The following MAGI2 variants were observed in gnomAD, a reference collection of about 807,000 sequenced individuals.
MAGI2 encodes the protein membrane associated guanylate kinase, WW and PDZ domain containing 2.
In MAGI2, 35 loss-of-function variants were observed where a neutral mutation model predicts 133.3. The ratio of observed to expected loss-of-function variants is 0.26; its 90% confidence interval spans 0.20 to 0.35. MAGI2 has a LOEUF of 0.35. Among genes scored for constraint, MAGI2 ranks in the 10% least tolerant of loss-of-function variants. The pLI, the probability that MAGI2 is intolerant of heterozygous loss-of-function variation, is 1.00. For missense variants in MAGI2, 1,636 were observed against 1,863.4 expected, an observed-to-expected ratio of 0.88 and a Z score of 2.25; for synonymous variants, 729 against 710.6, an observed-to-expected ratio of 1.03 and a Z score of -0.41.
chr7:78,802,977 GT>G (rs892788560), intron 2 of MAGI2, among the ~76,000 whole-genome samples: 2 of 149,182 alleles, frequency 1.3e-5, no homozygotes, highest in African/African-American at 5.0e-5. Flanking sequence ...ATGCCTTGGA[GT>G]TTTTTTCAAT....
intron 21 of MAGI2, among the ~76,000 whole-genome samples, chr7:78,058,929 C>T (rs181246231): frequency 3.9e-5 from 6 of 152,288 alleles, no homozygotes; most frequent in South Asian, 4.1e-4. Context: ...TAGTTTCTAA[C>T]GTGGGGATAC....
chr7:78,150,297 C>T (rs1823744318), intron 16 of MAGI2, among the ~76,000 whole-genome samples: 1 of 152,112 alleles, frequency 6.6e-6, no homozygotes, highest in Non-Finnish European at 1.5e-5. Flanking sequence ...GTTCACTTAA[C>T]AATTTGCTCT....
rs13221989 is a variant in MAGI2, at chr7:78,334,651, A to G, written c.1408+9127T>C. Among the ~76,000 whole-genome samples, 356 of 152,288 alleles carry G rather than the reference A, an allele frequency of 2.3e-3. 1 individual carries two copies. Among genetic ancestry groups the G allele is most frequent in the Admixed American group, 3.9e-3 (60 of 15,296 alleles). On this transcript the variant is annotated intron_variant, in intron 9 of 21. Coordinates refer to ENST00000354212, the MANE Select transcript of MAGI2 (RefSeq NM_012301.4). Reference sequence around the variant, plus strand: ...GGAGGTTAGGATGGAGGGTGTTTGCAAAGCTGTACAGTAGGTGAGAAAGGA... The same window carrying G: ...GGAGGTTAGGATGGAGGGTGTTTGCGAAGCTGTACAGTAGGTGAGAAAGGA...
intron 1 of MAGI2, among the ~76,000 whole-genome samples, chr7:79,076,424 T>C (rs919696457): frequency 1.3e-5 from 2 of 152,218 alleles, no homozygotes; most frequent in African/African-American, 2.4e-5. Flanking sequence ...TTGTCTTATA[T>C]GGCTTTCATA....
intron 1 of MAGI2, among the ~76,000 whole-genome samples, chr7:79,306,585 T>C (rs1837834838): frequency 1.3e-5 from 2 of 152,162 alleles, no homozygotes; most frequent in Non-Finnish European, 2.9e-5. Flanking sequence ...TGTTGAACTT[T>C]ACCTTGTCAT....
chr7:78,555,599 G>A (rs903010725), intron 3 of MAGI2, among the ~76,000 whole-genome samples: 1 of 152,020 alleles, frequency 6.6e-6, no homozygotes, highest in African/African-American at 2.4e-5. Context: ...ATTTCTGAAG[G>A]CTTATTGTCT....
intron 1 of MAGI2, among the ~76,000 whole-genome samples, chr7:79,238,343 A>G (rs372898420): frequency 2.0e-5 from 3 of 151,930 alleles, no homozygotes; most frequent in African/African-American, 2.4e-5. Flanking sequence ...TCTTTCTATC[A>G]TAATTCACAC....
chr7:78,647,726 G>A (rs903768267), intron 2 of MAGI2, among the ~76,000 whole-genome samples: 1 of 152,146 alleles, frequency 6.6e-6, no homozygotes, highest in Non-Finnish European at 1.5e-5. Flanking sequence ...ATTCATAATA[G>A]CGAAGACTTG....
chr7:79,347,483 T>C (rs1841406206), intron 1 of MAGI2, among the ~76,000 whole-genome samples: 1 of 151,796 alleles, frequency 6.6e-6, no homozygotes, highest in African/African-American at 2.4e-5. Context: ...TCTGCACAGC[T>C]TCATTGACAT....
intron 20 of MAGI2, among the ~76,000 whole-genome samples, chr7:78,092,743 T>C (rs1397622063): frequency 6.6e-6 from 1 of 151,308 alleles, no homozygotes; most frequent in Non-Finnish European, 1.5e-5. Context: ...GTCTGATTAA[T>C]GTAACTGCAG....
At chr7:78,544,479 TTA>T (rs1798656872) in intron 3 of MAGI2, among the ~76,000 whole-genome samples, 1 of 152,234 alleles carries the variant, frequency 6.6e-6, no homozygotes, top group South Asian at 2.1e-4. Context: ...GGGGATACAA[TTA>T]TATCTGACTA....
intron 6 of MAGI2, among the ~76,000 whole-genome samples, chr7:78,438,969 G>T (rs1212962956): frequency 2.0e-5 from 3 of 152,158 alleles, no homozygotes; most frequent in Non-Finnish European, 4.4e-5. Flanking sequence ...AACTGCAAGT[G>T]CATCAAGACA....
At chr7:78,911,658 ATG>A (rs1173513035) in intron 2 of MAGI2, among the ~76,000 whole-genome samples, 1 of 102,556 alleles carries the variant, frequency 9.8e-6, no homozygotes, top group Admixed American at 9.0e-5. Context: ...ATAAAAAATT[ATG>A]TGTGTATATA....
At chr7:78,131,301 C>G (rs551455742) in intron 18 of MAGI2, among the ~76,000 whole-genome samples, 2 of 152,170 alleles carry the variant, frequency 1.3e-5, no homozygotes, top group Non-Finnish European at 2.9e-5. Context: ...CTCTTCCTTG[C>G]GTATATTTAA....
chr7:78,149,954 A>G (rs1206004603), intron 16 of MAGI2, among the ~76,000 whole-genome samples: 1 of 152,188 alleles, frequency 6.6e-6, no homozygotes, highest in Non-Finnish European at 1.5e-5. Context: ...TGGCACTGCA[A>G]AAACCTTGGG....
intron 1 of MAGI2, among the ~76,000 whole-genome samples, chr7:79,451,187 GT>G (rs760772080): frequency 1.8e-4 from 27 of 152,318 alleles, no homozygotes; most frequent in South Asian, 2.1e-4. Flanking sequence ...CATTTAAGAT[GT>G]GATGATCATT....
intron 6 of MAGI2, among the ~76,000 whole-genome samples, chr7:78,458,063 T>C (rs914688881): frequency 1.3e-4 from 20 of 151,658 alleles, no homozygotes; most frequent in Non-Finnish European, 2.7e-4. Flanking sequence ...TTTGGGAGGC[T>C]AAGGCGGGCA....
At chr7:78,430,549 T>G (rs1019061518) in intron 6 of MAGI2, among the ~76,000 whole-genome samples, 9 of 152,070 alleles carry the variant, frequency 5.9e-5, no homozygotes, top group Non-Finnish European at 1.2e-4. Flanking sequence ...CTTCTGATAA[T>G]GAAATCAGAA....
At chr7:78,374,477 GT>G (rs1794243673) in intron 6 of MAGI2, among the ~76,000 whole-genome samples, 1 of 152,104 alleles carries the variant, frequency 6.6e-6, no homozygotes, top group African/African-American at 2.4e-5. Context: ...CAGATAAATA[GT>G]TTGCAAATAT....
Sources: gnomAD v4.1 joint callset for allele counts (sites outside exome capture counted in the v4.1 genomes callset) on GRCh38, gnomAD v4.1.1 for gene constraint, MANE v1.5 for transcripts, NCBI Gene and HGNC (gene_info 2026-07-23, HGNC 2026-07-21) for gene names.